The following SLC12A6 variants were observed in gnomAD, a reference collection of about 807,000 sequenced individuals.
SLC12A6 encodes K-Cl cotransporter 3.
Under a neutral mutation model 135.3 loss-of-function variants are expected in SLC12A6, and 66 were observed. That is an observed-to-expected ratio of 0.49 (90% CI 0.40 to 0.60). The LOEUF (loss-of-function observed/expected upper bound fraction) is 0.60, where lower values mean the gene tolerates loss of function less well. Ranked by LOEUF, SLC12A6 falls within the 20% of genes least tolerant of loss-of-function variation. The pLI, the probability that SLC12A6 is intolerant of heterozygous loss-of-function variation, is 0.00. For synonymous variants in SLC12A6, 513 were observed against 508.8 expected, an observed-to-expected ratio of 1.01 and a Z score of -0.11; for missense variants, 1,058 against 1,452.3, an observed-to-expected ratio of 0.73 and a Z score of 4.41.
In SLC12A6 at chr15:34,257,677, G is replaced by A. The variant is rs1057516456; in HGVS notation, c.655C>T (p.Gln219Ter). 2 of 1,613,580 alleles carry A rather than the reference G, an allele frequency of 1.2e-6. No individual in the cohort carries two copies. Among genetic ancestry groups the A allele is most frequent in the Non-Finnish European group, 1.7e-6 (2 of 1,179,580 alleles). ...CAGATAAGGACAATTGCAAAAGCCT[G>A]AAGAACTCCAGCTGTGCCCACCACC... Reference protein sequence around the residue: ...TWVVGTAGVLQAFAIVLICCC... With the variant: ...TWVVGTAGVL The change falls in exon 6 of 26, where the codon CAG (glutamine) becomes TAG (stop). Residue 219 changes from glutamine to a stop codon, truncating the protein, a stop_gained. Coordinates refer to ENST00000354181, the MANE Select transcript of SLC12A6 (RefSeq NM_001365088.1). LOFTEE classifies it high-confidence loss of function.
In SLC12A6 at chr15:34,251,150, A is replaced by T. The variant is rs1233398228; in HGVS notation, c.1334-93T>A. The T allele has an allele frequency of 1.2e-5, 11 of 936,258 alleles. No individual in the cohort carries two copies. In the East Asian group the frequency reaches 2.7e-4, roughly 23 times the overall value. The allele number at this position is 936,258 out of a possible 1,614,324, so 58.0% of individuals were successfully genotyped here. Reference sequence around the variant, plus strand: ...CCAAACATTCAAAATCAGGCTCCTCATTTATACAGTTTCTAAAGGTGTGTT... The same window carrying T: ...CCAAACATTCAAAATCAGGCTCCTCTTTTATACAGTTTCTAAAGGTGTGTT... On this transcript the variant is annotated intron_variant, in intron 10 of 25. Transcript: ENST00000354181.
In SLC12A6 at chr15:34,261,037, A is replaced by T. The variant is rs372373884; in HGVS notation, c.317-17T>A. 100 of 1,278,384 alleles carry T rather than the reference A, an allele frequency of 7.8e-5. No homozygotes were observed. The highest frequency in any genetic ancestry group is 1.1e-4 in the Non-Finnish European group (96 of 874,002). 79.2% of individuals were successfully genotyped at this position (1,278,384 alleles called of 1,614,324 possible). On this transcript the variant is annotated splice_polypyrimidine_tract_variant and intron_variant, in intron 3 of 25. Transcript: ENST00000354181. ...GTCCGTCGTCTGGAAAAAAAAAAGT[A>T]GACCAAGTTAGTTTCTCACTGGTTT...
intron 2 of SLC12A6, among the ~76,000 whole-genome samples, chr15:34,298,208 C>T (rs895950080): frequency 4.6e-5 from 7 of 152,058 alleles, no homozygotes; most frequent in South Asian, 4.1e-4. Context: ...AAAAATAGGC[C>T]GCTCACACCT....
At chr15:34,317,430 G>A (rs947528335) in intron 2 of SLC12A6, among the ~76,000 whole-genome samples, 4 of 152,174 alleles carry the variant, frequency 2.6e-5, no homozygotes, top group Non-Finnish European at 5.9e-5. Context: ...GAGGCCGGAC[G>A]CAGTGGCTCA....
chr15:34,265,402 TA>T (rs35044445), intron 3 of SLC12A6, among the ~76,000 whole-genome samples: 37,432 of 119,682 alleles, frequency 0.31, 5,756 homozygotes, highest in African/African-American at 0.52. Flanking sequence ...CAACAGCAAT[TA>T]AAAAAAAAAA....
At chr15:34,301,089 C>T (rs1244704538) in intron 2 of SLC12A6, among the ~76,000 whole-genome samples, 1 of 152,056 alleles carries the variant, frequency 6.6e-6, no homozygotes, top group Non-Finnish European at 1.5e-5. Context: ...CTGTCTCAGC[C>T]TCCTGAATAG....
At chr15:34,338,007 C>G (rs1007388369), upstream of SLC12A6, 1 of 151,938 alleles carries the variant, frequency 6.6e-6, no homozygotes, top group Non-Finnish European at 1.5e-5. Context: ...GGAACCGTCC[C>G]GCGGGCGCCC....
In SLC12A6 at chr15:34,255,437, A is replaced by T. The variant is rs17817830; in HGVS notation, c.746-45T>A. 0.022 allele frequency: 31,671 copies of T among 1,408,646 alleles called. 386 individuals are homozygous for T. The highest frequency in any genetic ancestry group is 0.027 in the Non-Finnish European group (26,862 of 993,672). 87.3% of individuals were successfully genotyped at this position (1,408,646 alleles called of 1,614,324 possible). ...GTGAATAGAAGAAAGAGTGTGTATT[A>T]GCAAGAGGAATATGAATAAAACAGA... On this transcript the variant is annotated intron_variant, in intron 7 of 25. Transcript: ENST00000354181.
intron 3 of SLC12A6, among the ~76,000 whole-genome samples, chr15:34,271,733 T>A (rs1893969550): frequency 6.6e-6 from 1 of 152,230 alleles, no homozygotes; most frequent in South Asian, 2.1e-4. Flanking sequence ...AGAGACCCGA[T>A]GAGTCAGTGG....
intron 3 of SLC12A6, among the ~76,000 whole-genome samples, chr15:34,273,746 C>T (rs1894115124): frequency 6.6e-6 from 1 of 152,172 alleles, no homozygotes; most frequent in African/African-American, 2.4e-5. Context: ...CATACATAGA[C>T]ACACAAGTGT....
At position 34,236,386 on chromosome 15, in the gene SLC12A6, C is replaced by T. The variant is rs150396793; in HGVS notation, c.3043-187G>A. On this transcript the variant is annotated intron_variant, in intron 23 of 25. Coordinates refer to ENST00000354181, the MANE Select transcript of SLC12A6 (RefSeq NM_001365088.1). ...TTTGAGACAGAGTCTTCCTCTGTCA[C>T]GCAGGCTGGAGTGCAGTGGCGTGAT... 4.4e-3 allele frequency among the ~76,000 whole-genome samples: 674 copies of T among 152,060 alleles called. 8 individuals are homozygous for T. Among genetic ancestry groups the T allele is most frequent in the African/African-American group, 0.015 (637 of 41,470 alleles).
At chr15:34,290,386 G>A (rs1194009069) in intron 2 of SLC12A6, among the ~76,000 whole-genome samples, 1 of 152,168 alleles carries the variant, frequency 6.6e-6, no homozygotes, top group African/African-American at 2.4e-5. Flanking sequence ...GCTGAGGAGT[G>A]CTTTACTTTC....
intron 2 of SLC12A6, among the ~76,000 whole-genome samples, chr15:34,290,723 T>G (rs1298984974): frequency 1.3e-5 from 2 of 152,186 alleles, no homozygotes; most frequent in Non-Finnish European, 2.9e-5. Flanking sequence ...CCTTTACCAT[T>G]ATGTAAATGT....
chr15:34,244,165 T>C, intron 15 of SLC12A6, 93 bp from the exon 16 acceptor site: 1 of 805,474 alleles, frequency 1.2e-6, no homozygotes, highest in Admixed American at 1.8e-5. Context: ...TGAAGCCTGT[T>C]TCTAGACAAC....
chr15:34,257,847 C>A (rs1436801669), intron 5 of SLC12A6, 59 bp from the exon 6 acceptor site: 2 of 1,221,010 alleles, frequency 1.6e-6, no homozygotes, highest in Non-Finnish European at 2.4e-6. Context: ...GGTTTTTATT[C>A]TTTTATGTAA....
In SLC12A6 at chr15:34,285,713, T is replaced by TACACTCACACACACACACACACACACA. The variant is rs776596338; in HGVS notation, c.272-10325_272-10324insTGTGTGTGTGTGTGTGTGTGTGAGTGT. ...CTATATGTGTGTGTGTGTGTGTGTG[T>TACACTCACACACACACACACACACACA]TTGTCATACATAAAATGGAATATTA... On this transcript the variant is annotated intron_variant, in intron 2 of 25. Coordinates refer to ENST00000354181, the MANE Select transcript of SLC12A6 (RefSeq NM_001365088.1). 6.6e-5 allele frequency among the ~76,000 whole-genome samples: 3 copies of TACACTCACACACACACACACACACACA among 45,164 alleles called. No individual in the cohort carries two copies. The East Asian group carries it at 1.2e-3, about 18-fold the overall frequency. The allele number at this position is 45,164 out of a possible 152,430, so 29.6% of individuals were successfully genotyped here. A position where few individuals can be genotyped will look rare whatever the true frequency, so the allele number is the denominator to read the frequency against.
At chr15:34,326,692 CT>C (rs10550362) in intron 2 of SLC12A6, among the ~76,000 whole-genome samples, 68,433 of 134,688 alleles carry the variant, frequency 0.51, 18,769 homozygotes, top group East Asian at 0.63. Context: ...CATTTTATTA[CT>C]TTTTTTTTTT....
intron 23 of SLC12A6, 23 bp from the exon 24 acceptor site, chr15:34,236,222 A>T (rs779072622): frequency 6.3e-7 from 1 of 1,596,492 alleles, no homozygotes; most frequent in Non-Finnish European, 8.6e-7. Flanking sequence ...GTCCAACACA[A>T]GTTATTCTAC....
rs182081170 is a variant in SLC12A6 at position 34,300,704 on chromosome 15, G to A, written c.272-25315C>T. Among the ~76,000 whole-genome samples, 499 of 151,164 alleles carry A rather than the reference G, an allele frequency of 3.3e-3. 3 individuals are homozygous for A. Among genetic ancestry groups the A allele is most frequent in the African/African-American group, 0.012 (481 of 41,174 alleles). On this transcript the variant is annotated intron_variant, in intron 2 of 25. Coordinates refer to ENST00000354181, the MANE Select transcript of SLC12A6 (RefSeq NM_001365088.1). ...GCTACTTGGGAGGCTGAGGCACGAG[G>A]ACTGCCTGAACCTGGGAGACAGACA...
Sources: gnomAD v4.1 joint callset for allele counts (sites outside exome capture counted in the v4.1 genomes callset) on GRCh38, gnomAD v4.1.1 for gene constraint, MANE v1.5 for transcripts, NCBI Gene and HGNC (gene_info 2026-07-23, HGNC 2026-07-21) for gene names.